The following CLIC5 variants were observed in gnomAD, a reference collection of about 807,000 sequenced individuals.
The protein encoded by CLIC5 is CLIC family member 5, also known as chloride intracellular channel protein 5.
CLIC5 carries 20 observed loss-of-function variants against 24.7 expected under a neutral mutation model. That is an observed-to-expected ratio of 0.81 (90% CI 0.57 to 1.18). CLIC5 has a LOEUF of 1.18. Among genes scored for constraint, CLIC5 ranks in the 50% most tolerant of loss-of-function variants. The pLI, the probability that CLIC5 is intolerant of heterozygous loss-of-function variation, is 0.00. For synonymous variants in CLIC5, 159 were observed against 135.6 expected (o/e 1.17, Z -1.20); for missense variants, 341 against 326.1 (o/e 1.05, Z -0.35).
At chr6:45,970,946 G>A (rs192203030) in intron 1 of CLIC5, among the ~76,000 whole-genome samples, 1 of 152,302 alleles carries the variant, frequency 6.6e-6, no homozygotes, top group East Asian at 1.9e-4. Context: ...CTTATGAAAA[G>A]CTCTAATGTA....
intron 1 of CLIC5, among the ~76,000 whole-genome samples, chr6:46,058,424 G>A (rs775594845): frequency 6.6e-6 from 1 of 152,164 alleles, no homozygotes; most frequent in Non-Finnish European, 1.5e-5. Flanking sequence ...TTTCCTCCAA[G>A]GCTAAAGAGT....
rs1046010192 is a variant in CLIC5 at position 45,941,581 on chromosome 6, G to A, written c.372C>T (p.Ala124=). The change falls in exon 4 of 6, where the codon GCC becomes GCT. Residue 124 remains alanine (A), a synonymous_variant. Coordinates refer to ENST00000339561, the MANE Select transcript of CLIC5 (RefSeq NM_016929.5). ...AGIDIFSKFS[A]YIKNTKQQNN... ...TCTGCTGCTTGGTATTTTTGATGTA[G>A]GCAGAAAACTTGGAAAAGATGTCGA... 4 of 1,613,806 alleles carry A rather than the reference G, an allele frequency of 2.5e-6. No homozygotes were observed. Among genetic ancestry groups the A allele is most frequent in the East Asian group, 2.2e-5 (1 of 44,870 alleles).
At chr6:46,024,110 T>C (rs898885194) in intron 1 of CLIC5, among the ~76,000 whole-genome samples, 8 of 152,146 alleles carry the variant, frequency 5.3e-5, no homozygotes, top group Non-Finnish European at 8.8e-5. Context: ...GAGTAGAATG[T>C]AGAATATTTT....
intron 4 of CLIC5, among the ~76,000 whole-genome samples, chr6:45,933,741 A>G (rs1763830728): frequency 6.6e-6 from 1 of 152,200 alleles, no homozygotes; most frequent in African/African-American, 2.4e-5. Context: ...TCTGTGTCCC[A>G]TGTGCTGGGT....
Position 45,947,140 on chromosome 6 carries a change from G to A in CLIC5, c.299+2116C>T, listed in dbSNP as rs556692965. On this transcript the variant is annotated intron_variant, in intron 3 of 5. Coordinates refer to ENST00000339561, the MANE Select transcript of CLIC5 (RefSeq NM_016929.5). ...TGATGACGAAGTCAGATGATGACTC[G>A]CCTCTGGAAGAATGTTCAAGGACGC... 6.6e-5 allele frequency among the ~76,000 whole-genome samples: 10 copies of A among 152,266 alleles called. No individual in the cohort carries two copies. The East Asian group carries it at 1.7e-3, about 26-fold the overall frequency.
chr6:45,923,264 C>T (rs1442565244), intron 4 of CLIC5, among the ~76,000 whole-genome samples: 1 of 152,136 alleles, frequency 6.6e-6, no homozygotes, highest in Non-Finnish European at 1.5e-5. Flanking sequence ...AGGTTTAATG[C>T]GGATGCTCAC....
chr6:46,116,864 A>T, the CLIC5 span, among the ~76,000 whole-genome samples: 2 of 152,208 alleles, frequency 1.3e-5, no homozygotes, highest in African/African-American at 2.4e-5. Context: ...CATCCACTGC[A>T]GGGCTCAGTC....
chr6:45,984,539 G>T (rs890297198), intron 1 of CLIC5, among the ~76,000 whole-genome samples: 1 of 152,168 alleles, frequency 6.6e-6, no homozygotes, highest in African/African-American at 2.4e-5. Flanking sequence ...TTGTTTTGAG[G>T]TTCTAGGTAA....
At chr6:46,052,964 ACAAT>A (rs1434319284) in intron 1 of CLIC5, among the ~76,000 whole-genome samples, 2 of 152,214 alleles carry the variant, frequency 1.3e-5, no homozygotes, top group Non-Finnish European at 2.9e-5. Context: ...TGGAAAAGGA[ACAAT>A]CAGAGAATAA....
At chr6:46,028,437 A>G (rs1484606652) in intron 1 of CLIC5, among the ~76,000 whole-genome samples, 1 of 152,212 alleles carries the variant, frequency 6.6e-6, no homozygotes, top group Admixed American at 6.5e-5. Context: ...TGAACAATGA[A>G]CAGTACTGAC....
At position 46,032,152 on chromosome 6, in the gene CLIC5, C is replaced by T. The variant is rs563839126; in HGVS notation, c.540+47551G>A. ...GCATGGCTGAGAAGGCCTCAGGAAA[C>T]TTACAATCATGGTGGAAGAGAAAGG... On this transcript the variant is annotated intron_variant, in intron 1 of 5. Coordinates refer to the CLIC5 transcript ENST00000185206. 2.6e-5 allele frequency among the ~76,000 whole-genome samples: 4 copies of T among 152,126 alleles called. No homozygotes were observed. The South Asian group carries it at 6.2e-4, about 24-fold the overall frequency.
chr6:45,978,369 A>C (rs1056124120), intron 1 of CLIC5, among the ~76,000 whole-genome samples: 4 of 152,296 alleles, frequency 2.6e-5, no homozygotes, highest in African/African-American at 9.6e-5. Flanking sequence ...ATTCCTGAGC[A>C]GGAATCGTAA....
At chr6:45,919,008 A>G (rs1052400418) in intron 4 of CLIC5, 48 of 985,318 alleles carry the variant, frequency 4.9e-5, no homozygotes, top group Non-Finnish European at 4.9e-5. Context: ...TGGGACGTAC[A>G]ATGGAAATGT....
downstream of CLIC5, among the ~76,000 whole-genome samples, chr6:45,896,004 A>G (rs1392947271): frequency 6.6e-6 from 1 of 152,218 alleles, no homozygotes; most frequent in Non-Finnish European, 1.5e-5. Flanking sequence ...TTTTTAAATT[A>G]AAAATCTTCC....
At chr6:45,954,787 G>A (rs1403601073) in intron 2 of CLIC5, among the ~76,000 whole-genome samples, 1 of 152,144 alleles carries the variant, frequency 6.6e-6, no homozygotes, top group African/African-American at 2.4e-5. Flanking sequence ...GTCCTGCTAG[G>A]GTCCCACGGA....
chr6:46,100,650 T>C, the CLIC5 span, among the ~76,000 whole-genome samples: 1 of 152,210 alleles, frequency 6.6e-6, no homozygotes, highest in Non-Finnish European at 1.5e-5. Context: ...CATATACCTT[T>C]TATTTTAAAT....
Position 45,900,551 on chromosome 6 carries a change from A to T in CLIC5, c.*2537T>A, listed in dbSNP as rs1762485880. Reference sequence around the variant, plus strand: ...TGAAACAAAAAAAAAAAGGAAGGTAATATTAATATTATTGTTACTTTAATA... The same window carrying T: ...TGAAACAAAAAAAAAAAGGAAGGTATTATTAATATTATTGTTACTTTAATA... On this transcript the variant is annotated 3_prime_UTR_variant, in exon 6 of 6. Coordinates refer to ENST00000339561, the MANE Select transcript of CLIC5 (RefSeq NM_016929.5). 1 of 151,662 alleles carries T rather than the reference A, an allele frequency of 6.6e-6. No individual in the cohort carries two copies. The highest frequency in any genetic ancestry group is 1.5e-5 in the Non-Finnish European group (1 of 67,968). The allele number at this position is 151,662 out of a possible 1,614,324, so 9.4% of individuals were successfully genotyped here.
chr6:46,004,259 C>T lies in CLIC5; in HGVS notation c.63+11221G>A, dbSNP rs184421099. On this transcript the variant is annotated intron_variant, in intron 1 of 5. Coordinates refer to ENST00000339561, the MANE Select transcript of CLIC5 (RefSeq NM_016929.5). ...TGTAGTAGGAAACAAGAATACATAA[C>T]TTAGTTTCTACGGTAGAGACTAGCT... 4.2e-3 allele frequency among the ~76,000 whole-genome samples: 641 copies of T among 152,278 alleles called. 6 individuals carry two copies. Among genetic ancestry groups the T allele is most frequent in the Middle Eastern group, 0.017 (5 of 294 alleles).
At chr6:46,034,168 C>T (rs1767597992) in intron 1 of CLIC5, among the ~76,000 whole-genome samples, 1 of 152,192 alleles carries the variant, frequency 6.6e-6, no homozygotes, top group Non-Finnish European at 1.5e-5. Context: ...GGTTCTCTTA[C>T]TTGGCTGCAT....
Sources: gnomAD v4.1 joint callset for allele counts (sites outside exome capture counted in the v4.1 genomes callset) on GRCh38, gnomAD v4.1.1 for gene constraint, MANE v1.5 for transcripts, NCBI Gene and HGNC (gene_info 2026-07-23, HGNC 2026-07-21) for gene names.